SYNE1: variants seen among roughly 807,000 people sequenced by gnomAD.
SYNE1 encodes the protein nesprin-1.
A neutral mutation model predicts 1,111.0 loss-of-function variants in SYNE1; 616 were observed. The ratio of observed to expected loss-of-function variants is 0.55; its 90% CI spans 0.52 to 0.59. The LOEUF (loss-of-function observed/expected upper bound fraction) is 0.59. Ranked by LOEUF, SYNE1 falls within the 20% of genes least tolerant of loss-of-function variation. The probability of loss-of-function intolerance (pLI) is 0.00; values close to 1 mark genes in which losing one functional copy is unlikely to be tolerated. For synonymous variants in SYNE1, 3,855 were observed against 3,825.8 expected, an observed-to-expected ratio of 1.01 and a Z score of -0.28; for missense variants, 10,006 against 10,417.0, an observed-to-expected ratio of 0.96 and a Z score of 1.72.
intron 63 of SYNE1, among the ~76,000 whole-genome samples, chr6:152,363,027 C>T (rs1459497432): frequency 6.6e-6 from 1 of 151,216 alleles, no homozygotes; most frequent in Non-Finnish European, 1.5e-5. Context: ...ACTACATGCC[C>T]CCGCCACCAT....
chr6:152,219,490 C>T (rs201765166), intron 119 of SYNE1, among the ~76,000 whole-genome samples: 2 of 53,594 alleles, frequency 3.7e-5, no homozygotes, highest in African/African-American at 1.6e-4. Flanking sequence ...CATACATAAA[C>T]AAGAAAAAAA....
At position 152,430,651 on chromosome 6, in the gene SYNE1, GCTT is replaced by G; in HGVS notation, c.4517_4519del (p.Glu1506del). On this transcript the variant is annotated inframe_deletion, in exon 35 of 146. Coordinates refer to ENST00000367255, the MANE Select transcript of SYNE1 (RefSeq NM_182961.4). ...GGTAACAAACTGAGCAAAAGACTGG[GCTT>G]CTTCTTCTAATCCTACAATGCTGCT... The G allele has an allele frequency of 1.2e-6, 2 of 1,614,064 alleles. No individual in the cohort carries two copies. The highest frequency in any genetic ancestry group is 1.7e-6 in the Non-Finnish European group (2 of 1,179,966).
chr6:152,361,480 A>G (rs916750582), intron 64 of SYNE1, among the ~76,000 whole-genome samples: 1 of 152,212 alleles, frequency 6.6e-6, no homozygotes, highest in African/African-American at 2.4e-5. Flanking sequence ...TGCCAGATGC[A>G]AAGTGGCAAT....
chr6:152,417,375 G>A (rs1454446470), intron 40 of SYNE1, among the ~76,000 whole-genome samples: 2 of 152,104 alleles, frequency 1.3e-5, no homozygotes, highest in Non-Finnish European at 2.9e-5. Flanking sequence ...GTGGGCGCCT[G>A]TAGTCCCAGC....
chr6:152,601,115 T>C (rs1429835229), intron 3 of SYNE1, among the ~76,000 whole-genome samples: 1 of 152,180 alleles, frequency 6.6e-6, no homozygotes, highest in Non-Finnish European at 1.5e-5. Context: ...CTCATTCAAA[T>C]GGATATGGGA....
At chr6:152,277,771 C>G (rs571437139) in intron 98 of SYNE1, 35 of 425,874 alleles carry the variant, frequency 8.2e-5, no homozygotes, top group African/African-American at 6.8e-4. Flanking sequence ...TACCACTTTA[C>G]AGCAACACTC....
chr6:152,189,018 TAA>T (rs2071396242), intron 128 of SYNE1, among the ~76,000 whole-genome samples: 1 of 98,308 alleles, frequency 1.0e-5, no homozygotes, highest in East Asian at 2.9e-4. Flanking sequence ...TATATATATA[TAA>T]AATGCCAGCC....
rs35496801 is a variant in SYNE1 at position 152,488,074 on chromosome 6, C to CAA, written c.1047+320_1047+321dup. ...TGGGAGAGAGAGTGAGACTCCGTCT[C>CAA]AAAAAAAAAAAAAAATCATGAGTTC... On this transcript the variant is annotated intron_variant, in intron 12 of 145. Coordinates refer to ENST00000367255, the MANE Select transcript of SYNE1 (RefSeq NM_182961.4). Among the ~76,000 whole-genome samples, 52,816 of 132,602 alleles carry CAA rather than the reference C, an allele frequency of 0.4. 10,475 individuals are homozygous for CAA. The highest frequency in any genetic ancestry group is 0.75 in the East Asian group (3,483 of 4,654). The allele number at this position is 132,602 out of a possible 152,430, so 87.0% of individuals were successfully genotyped here. A position where few individuals can be genotyped will look rare whatever the true frequency, so the allele number is the denominator to read the frequency against.
chr6:152,447,706 G>A, intron 28 of SYNE1, 84 bp from the exon 29 acceptor site: 6 of 1,544,916 alleles, frequency 3.9e-6, no homozygotes, highest in Non-Finnish European at 3.6e-6. Flanking sequence ...GCCTAAAAAG[G>A]TTTGCAGGTG....
intron 143 of SYNE1, among the ~76,000 whole-genome samples, chr6:152,132,674 A>G (rs989355267): frequency 6.6e-6 from 1 of 152,170 alleles, no homozygotes; most frequent in African/African-American, 2.4e-5. Context: ...TGCTATTCAG[A>G]GTAGATTGTT....
At chr6:152,435,673 C>G (rs2098467629) in intron 33 of SYNE1, 2 of 516,924 alleles carry the variant, frequency 3.9e-6, no homozygotes, top group African/African-American at 3.9e-5. Flanking sequence ...TGTACAAAGG[C>G]CACAGAATAG....
intron 100 of SYNE1, among the ~76,000 whole-genome samples, chr6:152,267,629 C>T (rs1205483770): frequency 6.6e-6 from 1 of 152,160 alleles, no homozygotes; most frequent in Non-Finnish European, 1.5e-5. Flanking sequence ...AAAGTCTTCA[C>T]TCCAGACCAA....
Position 152,140,057 on chromosome 6 carries a change from T to C in SYNE1, c.25351A>G (p.Ser8451Gly), listed in dbSNP as rs1049056027. The change falls in exon 140 of 146, where the codon AGC becomes GGC. Residue 8451 changes from serine to glycine, a missense_variant. By Grantham distance (56) the Ser-to-Gly change is moderately conservative. This residue lies in a region of SYNE1 where 761 missense variants were observed against 795.5 expected (regional missense o/e 0.96). Coordinates refer to ENST00000367255, the MANE Select transcript of SYNE1 (RefSeq NM_182961.4). ...KWQQFNSDLN[S>G]IWAWLGDTEE... ...GTGTCCCCCAGCCAGGCCCAGATGC[T>C]GTTCAAGTCTGAGTTAAACTGCTGC... 1 of 1,614,230 alleles carries C rather than the reference T, an allele frequency of 6.2e-7. No homozygotes were observed.
intron 14 of SYNE1, 27 bp from the exon 15 acceptor site, chr6:152,472,440 A>AAG: frequency 3.8e-6 from 6 of 1,566,954 alleles, no homozygotes; most frequent in East Asian, 2.4e-5. Flanking sequence ...AAAAAAATAA[A>AAG]AAATGAAAAA....
chr6:152,163,320 G>C (rs1032279402), intron 131 of SYNE1, among the ~76,000 whole-genome samples: 2 of 152,044 alleles, frequency 1.3e-5, no homozygotes, highest in African/African-American at 4.8e-5. Flanking sequence ...CCATCATGGC[G>C]AAACTCCGTC....
rs1353047946 is a variant in SYNE1, at chr6:152,189,231, C to A, written c.23301+21G>T. On this transcript the variant is annotated intron_variant, in intron 128 of 145. Coordinates refer to ENST00000367255, the MANE Select transcript of SYNE1 (RefSeq NM_182961.4). ...CAATTTTCCATCATCAAGATAATTC[C>A]ATTTTTAGAACTTATCTTACCTGGT... The A allele has an allele frequency of 1.9e-6, 3 of 1,612,552 alleles. No homozygotes were observed. In the African/African-American group the frequency reaches 4.0e-5, roughly 22 times the overall value.
rs145274785 is a variant in SYNE1 at position 152,277,784 on chromosome 6, G to A, written c.18573+305C>T. ...TATACCACTTTACAGCAACACTCCT[G>A]GAGTAGCCTTTACTTTCCCTCTCCA... On this transcript the variant is annotated intron_variant, in intron 98 of 145. Transcript: ENST00000367255. The A allele has an allele frequency of 1.4e-3, 622 of 453,820 alleles. 2 individuals carry two copies. Among genetic ancestry groups the A allele is most frequent in the Non-Finnish European group, 2.0e-3 (500 of 244,254 alleles). 28.1% of individuals were successfully genotyped at this position (453,820 alleles called of 1,614,324 possible).
At chr6:152,163,608 C>A (rs142177879) in intron 131 of SYNE1, among the ~76,000 whole-genome samples, 10 of 151,686 alleles carry the variant, frequency 6.6e-5, no homozygotes, top group Admixed American at 2.6e-4. Context: ...TTGGGTTGTA[C>A]GCCGCCAGTG....
At chr6:152,357,851 G>A (rs1303320271) in intron 66 of SYNE1, among the ~76,000 whole-genome samples, 2 of 152,064 alleles carry the variant, frequency 1.3e-5, no homozygotes, top group African/African-American at 2.4e-5. Context: ...GCATCTCACC[G>A]TGAATTATGG....
Sources: allele counts gnomAD v4.1 joint callset (sites outside exome capture counted in the v4.1 genomes callset), GRCh38; gene constraint gnomAD v4.1.1; regional missense constraint gnomAD v4.1.1; transcripts MANE v1.5; gene names NCBI Gene and HGNC (gene_info 2026-07-23, HGNC 2026-07-21).